Variants in CACNA2D1 observed in about 807,000 individuals in gnomAD.
CACNA2D1 encodes the protein voltage-dependent calcium channel subunit alpha-2/delta-1.
Under a neutral mutation model 171.5 loss-of-function variants are expected in CACNA2D1, and 53 were observed. The ratio of observed to expected loss-of-function variants is 0.31; its 90% confidence interval spans 0.25 to 0.39. The LOEUF (loss-of-function observed/expected upper bound fraction) is 0.39. Among genes scored for constraint, CACNA2D1 ranks in the 10% least tolerant of loss-of-function variants. The pLI is 1.00. For synonymous variants in CACNA2D1, 442 were observed against 443.1 expected, an observed-to-expected ratio of 1.00 and a Z score of 0.03; for missense variants, 903 against 1,299.8, an observed-to-expected ratio of 0.69 and a Z score of 4.69.
intron 5 of CACNA2D1, among the ~76,000 whole-genome samples, chr7:82,128,100 T>TG (rs1440489277): frequency 6.6e-5 from 10 of 151,882 alleles, no homozygotes; most frequent in African/African-American, 2.2e-4. Context: ...ATTTTAGTTT[T>TG]TTTTTTTTTT....
intron 3 of CACNA2D1, among the ~76,000 whole-genome samples, chr7:82,222,833 A>C (rs1801921779): frequency 6.6e-6 from 1 of 151,936 alleles, no homozygotes. Context: ...ATGAATATCC[A>C]AATAAAATCA....
chr7:82,131,533 T>C (rs1038446162), intron 5 of CACNA2D1, among the ~76,000 whole-genome samples: 1 of 152,170 alleles, frequency 6.6e-6, no homozygotes, highest in Non-Finnish European at 1.5e-5. Flanking sequence ...ATTTAATTTA[T>C]CCATAATTTC....
At chr7:82,245,671 C>CAG (rs1804828901) in intron 3 of CACNA2D1, among the ~76,000 whole-genome samples, 1 of 121,530 alleles carries the variant, frequency 8.2e-6, no homozygotes, top group African/African-American at 3.3e-5. Context: ...CTCACACACA[C>CAG]ACACACACAC....
chr7:82,211,456 A>G (rs1269046471), intron 3 of CACNA2D1, among the ~76,000 whole-genome samples: 1 of 152,156 alleles, frequency 6.6e-6, no homozygotes, highest in East Asian at 1.9e-4. Flanking sequence ...GAGAACATGC[A>G]GCATTTGGTT....
intron 4 of CACNA2D1, among the ~76,000 whole-genome samples, chr7:82,156,546 A>G (rs1279003642): frequency 6.6e-6 from 1 of 152,102 alleles, no homozygotes; most frequent in Non-Finnish European, 1.5e-5. Flanking sequence ...TTTAAAAAAG[A>G]AAATTATATA....
At chr7:82,211,721 AC>A (rs1197571081) in intron 3 of CACNA2D1, among the ~76,000 whole-genome samples, 1 of 152,134 alleles carries the variant, frequency 6.6e-6, no homozygotes, top group African/African-American at 2.4e-5. Context: ...TTGGTTGTAT[AC>A]CCAGTAATGA....
At chr7:82,394,854 T>C (rs1233441368) in intron 1 of CACNA2D1, among the ~76,000 whole-genome samples, 1 of 152,190 alleles carries the variant, frequency 6.6e-6, no homozygotes, top group Non-Finnish European at 1.5e-5. Context: ...CTCTCCCCTC[T>C]GGGTTTGACT....
intron 1 of CACNA2D1, among the ~76,000 whole-genome samples, chr7:82,410,766 G>A (rs1371625523): frequency 1.3e-5 from 2 of 152,196 alleles, no homozygotes; most frequent in African/African-American, 2.4e-5. Context: ...TGTCTGTTAC[G>A]AAGCAGGTGA....
chr7:82,156,861 A>C (rs2129123759), intron 4 of CACNA2D1, among the ~76,000 whole-genome samples: 1 of 152,258 alleles, frequency 6.6e-6, no homozygotes, highest in South Asian at 2.1e-4. Context: ...TTTAGTTTCC[A>C]CATTACCAAA....
chr7:82,115,990 A>C (rs565849697), intron 6 of CACNA2D1, among the ~76,000 whole-genome samples: 178 of 152,332 alleles, frequency 1.2e-3, no homozygotes, highest in Middle Eastern at 3.4e-3. Flanking sequence ...AGAGGAAATA[A>C]TACTGCTAAA....
chr7:82,349,454 T>C, intron 2 of CACNA2D1, 114 bp downstream of exon 2: 1 of 878,772 alleles, frequency 1.1e-6, no homozygotes, highest in Non-Finnish European at 1.9e-6. Context: ...CACCACCAGA[T>C]CCACATGAGA....
intron 5 of CACNA2D1, among the ~76,000 whole-genome samples, chr7:82,123,857 A>G (rs1164296353): frequency 6.6e-6 from 1 of 152,198 alleles, no homozygotes; most frequent in Non-Finnish European, 1.5e-5. Flanking sequence ...TATACTAGGT[A>G]GTAAATAGAC....
chr7:82,291,524 A>C (rs1011349812), intron 3 of CACNA2D1, among the ~76,000 whole-genome samples: 10 of 138,436 alleles, frequency 7.2e-5, no homozygotes, highest in South Asian at 4.3e-4. Context: ...ATATATAGAT[A>C]GATCTATATA....
At chr7:82,380,306 T>A (rs1176806181) in intron 1 of CACNA2D1, among the ~76,000 whole-genome samples, 1 of 152,190 alleles carries the variant, frequency 6.6e-6, no homozygotes, top group African/African-American at 2.4e-5. Context: ...TTTCATGTAA[T>A]TCATAATATC....
chr7:82,277,686 G>C (rs537416358), intron 3 of CACNA2D1, among the ~76,000 whole-genome samples: 333 of 151,126 alleles, frequency 2.2e-3, no homozygotes, highest in African/African-American at 7.8e-3. Context: ...AAAATATGTT[G>C]AGAACATATA....
chr7:82,217,390 C>CACACACATATATATATAT (rs1402573092), intron 3 of CACNA2D1, among the ~76,000 whole-genome samples: 1 of 54,458 alleles, frequency 1.8e-5, no homozygotes, highest in Non-Finnish European at 3.0e-5. Context: ...CACACACACA[C>CACACACATATATATATAT]ATACATATAT....
intron 3 of CACNA2D1, among the ~76,000 whole-genome samples, chr7:82,175,604 C>T (rs1483503910): frequency 6.6e-6 from 1 of 151,968 alleles, no homozygotes; most frequent in African/African-American, 2.4e-5. Context: ...AAACAGACTT[C>T]AATGTTCGAA....
At chr7:82,171,467 T>A (rs570137726) in intron 3 of CACNA2D1, among the ~76,000 whole-genome samples, 2 of 152,122 alleles carry the variant, frequency 1.3e-5, no homozygotes, top group South Asian at 2.1e-4. Context: ...GATTTGAATA[T>A]CAGCCCTTGC....
At chr7:82,184,440 A>G (rs1320279581) in intron 3 of CACNA2D1, among the ~76,000 whole-genome samples, 1 of 152,050 alleles carries the variant, frequency 6.6e-6, no homozygotes, top group East Asian at 1.9e-4. Flanking sequence ...TTAATGCTGT[A>G]AAATATTCAG....
Sources: gnomAD v4.1 joint callset for allele counts (sites outside exome capture counted in the v4.1 genomes callset) on GRCh38, gnomAD v4.1.1 for gene constraint, MANE v1.5 for transcripts, NCBI Gene and HGNC (gene_info 2026-07-23, HGNC 2026-07-21) for gene names.